The following ACACB variants were observed in gnomAD, a reference collection of about 807,000 sequenced individuals.
The protein encoded by ACACB is acetyl-CoA carboxylase 2.
A neutral mutation model predicts 278.8 loss-of-function variants in ACACB; 209 were observed. That is an observed-to-expected ratio of 0.75 (90% CI 0.67 to 0.84). The LOEUF is 0.84. ACACB is among the 40% of genes least tolerant of loss of function. ACACB has a pLI of 0.00. For missense variants in ACACB, 2,850 were observed against 3,269.0 expected (o/e 0.87, Z 3.13); for synonymous variants, 1,174 against 1,285.6 (o/e 0.91, Z 1.86).
chr12:109,260,923 C>G (rs1278670326), intron 48 of ACACB, among the ~76,000 whole-genome samples: 1 of 152,208 alleles, frequency 6.6e-6, no homozygotes, highest in Non-Finnish European at 1.5e-5. Flanking sequence ...TCATTAGACT[C>G]TGAGCTATGA....
At chr12:109,156,258 G>A (rs527281910) in intron 2 of ACACB, among the ~76,000 whole-genome samples, 1 of 151,652 alleles carries the variant, frequency 6.6e-6, no homozygotes, top group South Asian at 2.1e-4. Flanking sequence ...GCCCAGGTGT[G>A]GTGGCTCATG....
chr12:109,131,797 G>A (rs913185281), intron 1 of ACACB, among the ~76,000 whole-genome samples: 2 of 152,184 alleles, frequency 1.3e-5, no homozygotes, highest in African/African-American at 2.4e-5. Context: ...AAGGGCAGCA[G>A]CTTGTCATGA....
chr12:109,210,475 G>C (rs1320845706), intron 21 of ACACB, among the ~76,000 whole-genome samples: 1 of 145,248 alleles, frequency 6.9e-6, no homozygotes, highest in African/African-American at 2.5e-5. Flanking sequence ...GCACATACAT[G>C]TGTATATGTG....
intron 29 of ACACB, among the ~76,000 whole-genome samples, 187 bp from the exon 30 acceptor site, chr12:109,233,561 C>T (rs951610940): frequency 1.4e-4 from 21 of 152,178 alleles, no homozygotes; most frequent in African/African-American, 5.1e-4. Context: ...TGGGAAGGAC[C>T]CCATCACGGG....
chr12:109,261,844 C>A (rs2047385754), intron 48 of ACACB, among the ~76,000 whole-genome samples: 1 of 145,410 alleles, frequency 6.9e-6, no homozygotes, highest in Non-Finnish European at 1.5e-5. Context: ...GCACTCCAGC[C>A]TGGGTGACAG....
chr12:109,182,079 G>A (rs745348480), intron 11 of ACACB, among the ~76,000 whole-genome samples: 8 of 151,892 alleles, frequency 5.3e-5, no homozygotes, highest in Admixed American at 2.0e-4. Context: ...TCCTGACCTC[G>A]TGATCTACCC....
At chr12:109,204,721 G>C (rs2045445121) in intron 19 of ACACB, among the ~76,000 whole-genome samples, 1 of 152,022 alleles carries the variant, frequency 6.6e-6, no homozygotes, top group African/African-American at 2.4e-5. Flanking sequence ...TTAATTTTCA[G>C]CTCCCACATA....
intron 1 of ACACB, among the ~76,000 whole-genome samples, chr12:109,126,422 C>A (rs186070985): frequency 1.4e-3 from 207 of 152,290 alleles, no homozygotes; most frequent in African/African-American, 4.7e-3. Context: ...GTGGCTTATG[C>A]CTGTAATCCC....
At chr12:109,146,763 T>A (rs1174108454) in intron 2 of ACACB, among the ~76,000 whole-genome samples, 1 of 151,976 alleles carries the variant, frequency 6.6e-6, no homozygotes, top group East Asian at 1.9e-4. Context: ...CAGCTTTGAC[T>A]TCCTGGGCTC....
intron 47 of ACACB, chr12:109,259,974 C>T: frequency 1.0e-6 from 1 of 983,308 alleles, no homozygotes; most frequent in South Asian, 1.3e-5. Context: ...GGACCAACCT[C>T]AGAGGGCCGA....
chr12:109,215,796 A>G (rs1371770949), intron 22 of ACACB, among the ~76,000 whole-genome samples: 2 of 152,016 alleles, frequency 1.3e-5, no homozygotes, highest in African/African-American at 4.8e-5. Flanking sequence ...AAATTAACTA[A>G]TTAATTAATT....
chr12:109,165,730 C>A (rs1303006084), intron 2 of ACACB, among the ~76,000 whole-genome samples: 2 of 152,078 alleles, frequency 1.3e-5, no homozygotes, highest in Non-Finnish European at 2.9e-5. Context: ...TTACAGTAGA[C>A]TTCTATGGTA....
At chr12:109,144,457 G>T (rs2043189390) in intron 2 of ACACB, among the ~76,000 whole-genome samples, 1 of 152,180 alleles carries the variant, frequency 6.6e-6, no homozygotes, top group Admixed American at 6.5e-5. Context: ...TACAGGCAGG[G>T]TAGTAATACC....
chr12:109,214,927 G>A (rs2045949079), intron 22 of ACACB, among the ~76,000 whole-genome samples: 1 of 152,046 alleles, frequency 6.6e-6, no homozygotes, highest in African/African-American at 2.4e-5. Flanking sequence ...GTGAAACCCT[G>A]TCTACAAAAT....
intron 13 of ACACB, among the ~76,000 whole-genome samples, chr12:109,191,120 G>A (rs2044861009): frequency 6.6e-6 from 1 of 151,972 alleles, no homozygotes; most frequent in Non-Finnish European, 1.5e-5. Flanking sequence ...GAGGCCCAGA[G>A]TTCTCAAGTC....
At chr12:109,174,030 G>A (rs897878604) in intron 6 of ACACB, 102 bp from the exon 7 acceptor site, 56 of 913,998 alleles carry the variant, frequency 6.1e-5, no homozygotes, top group Non-Finnish European at 8.2e-6. Context: ...TCTGTCATCT[G>A]CTCCTTACCT....
rs1259622401 is a variant in ACACB at position 109,171,848 on chromosome 12, G to A, written c.969G>A (p.Gly323=). 5.0e-6 allele frequency: 8 copies of A among 1,614,014 alleles called. No homozygotes were observed. In the Admixed American group the frequency reaches 1.2e-4, roughly 24 times the overall value. The change falls in exon 5 of 53, where the codon GGG becomes GGA. Residue 323 remains glycine, a synonymous_variant. Transcript: ENST00000338432. ...ATCATTACGTCCCCGTCCCAGGAGG[G>A]CCCAATAACAACAACTATGCCAACG... ...MADHYVPVPG[G]PNNNNYANVE...
chr12:109,240,990 A>G, intron 35 of ACACB, 88 bp from the exon 36 acceptor site: 2 of 1,363,536 alleles, frequency 1.5e-6, no homozygotes, highest in Non-Finnish European at 2.1e-6. Context: ...CAGTCAGTAT[A>G]TCTCATCCTC....
intron 21 of ACACB, among the ~76,000 whole-genome samples, chr12:109,210,732 T>C (rs1348976232): frequency 4.6e-5 from 7 of 150,998 alleles, no homozygotes; most frequent in African/African-American, 1.5e-4. Context: ...CTGGTCAACA[T>C]GGTGAAACCC....
Sources: allele counts gnomAD v4.1 joint callset (sites outside exome capture counted in the v4.1 genomes callset), GRCh38; gene constraint gnomAD v4.1.1; transcripts MANE v1.5; gene names NCBI Gene and HGNC (gene_info 2026-07-23, HGNC 2026-07-21).